The following COL5A1 variants were observed in gnomAD, a reference collection of about 807,000 sequenced individuals.
The protein encoded by COL5A1 is collagen type V alpha 1 chain.
In COL5A1, 16 loss-of-function variants were observed where a neutral mutation model predicts 263.7. The observed-to-expected ratio is 0.06, with a 90% CI of 0.04 to 0.09. The LOEUF (loss-of-function observed/expected upper bound fraction) is 0.09. COL5A1 is among the 10% of genes least tolerant of loss of function. COL5A1 has a pLI of 1.00. For missense variants in COL5A1, 2,036 were observed against 2,540.5 expected, an observed-to-expected ratio of 0.80 and a Z score of 4.27; for synonymous variants, 1,012 against 1,004.5, an observed-to-expected ratio of 1.01 and a Z score of -0.14.
At position 134,734,385 on chromosome 9, in the gene COL5A1, C is replaced by T. The variant is rs576581943; in HGVS notation, c.1389+2258C>T. On this transcript the variant is annotated intron_variant, in intron 9 of 65. Coordinates refer to ENST00000371817, the MANE Select transcript of COL5A1 (RefSeq NM_000093.5). ...TCCCTCCCCCGGGCCCCAGCCTGCTCCAAGTGTCCTGGGGCCTTTGGCCAG... is the reference window on the plus strand; with the variant it reads ...TCCCTCCCCCGGGCCCCAGCCTGCTTCAAGTGTCCTGGGGCCTTTGGCCAG... Among the ~76,000 whole-genome samples, 104 of 152,360 alleles carry T rather than the reference C, an allele frequency of 6.8e-4. 1 individual carries two copies. Among genetic ancestry groups the T allele is most frequent in the African/African-American group, 2.4e-3 (100 of 41,594 alleles).
chr9:134,797,694 G>A (rs568447687), intron 36 of COL5A1, among the ~76,000 whole-genome samples: 1 of 152,274 alleles, frequency 6.6e-6, no homozygotes, highest in South Asian at 2.1e-4. Context: ...TGTTGGCCAG[G>A]ATGGTCTCGA....
chr9:134,777,762 C>T (rs1837106434), intron 27 of COL5A1, among the ~76,000 whole-genome samples: 8 of 152,188 alleles, frequency 5.3e-5, no homozygotes, highest in Non-Finnish European at 1.2e-4. Context: ...GAGCTGGTGC[C>T]AATGCCCCCG....
At chr9:134,799,691 T>C (rs1415451038) in intron 37 of COL5A1, among the ~76,000 whole-genome samples, 2 of 152,244 alleles carry the variant, frequency 1.3e-5, no homozygotes, top group Non-Finnish European at 2.9e-5. Flanking sequence ...CTTTTAATTA[T>C]ACCTTCACTG....
chr9:134,732,209 G>A (rs1834911573), intron 9 of COL5A1, 82 bp downstream of exon 9: 1 of 1,475,198 alleles, frequency 6.8e-7, no homozygotes, highest in Non-Finnish European at 9.5e-7. Flanking sequence ...GTGTGAACAG[G>A]TCCGTGGGCC....
rs114261060 is a variant in COL5A1, at chr9:134,825,097, C to G, written c.4954+242C>G. ...GAGGTCAGACTCTCCAGGTTCTCAT[C>G]TGGTCTTAGGCATTTTCTGGCGGGG... On this transcript the variant is annotated intron_variant, in intron 62 of 65. Transcript: ENST00000371817. Among the ~76,000 whole-genome samples, 654 of 152,360 alleles carry G rather than the reference C, an allele frequency of 4.3e-3. 4 individuals are homozygous for G. Among genetic ancestry groups the G allele is most frequent in the African/African-American group, 0.015 (634 of 41,586 alleles).
chr9:134,819,947 C>T lies in COL5A1; in HGVS notation c.4447-169C>T, dbSNP rs541161660. On this transcript the variant is annotated intron_variant, in intron 57 of 65. Coordinates refer to ENST00000371817, the MANE Select transcript of COL5A1 (RefSeq NM_000093.5). ...CCAGCGAAGGGCCACCTCGGACCTG[C>T]CGTTTCGTCACCTGGCCCCTCTGTT... Among the ~76,000 whole-genome samples, 11 of 152,350 alleles carry T rather than the reference C, an allele frequency of 7.2e-5. No homozygotes were observed. In the South Asian group the frequency reaches 2.1e-3, roughly 29 times the overall value.
At chr9:134,737,211 G>A (rs1835133065) in intron 9 of COL5A1, among the ~76,000 whole-genome samples, 1 of 152,338 alleles carries the variant, frequency 6.6e-6, no homozygotes, top group African/African-American at 2.4e-5. Context: ...TCTACGTGGA[G>A]GGCGCCATGG....
chr9:134,822,856 G>A (rs1024176529), intron 59 of COL5A1, 142 bp from the exon 60 acceptor site: 108 of 970,218 alleles, frequency 1.1e-4, no homozygotes, highest in African/African-American at 1.9e-4. Context: ...CACTCTAGCC[G>A]GGCAAATACA....
At chr9:134,819,154 T>C in intron 57 of COL5A1, 101 bp downstream of exon 57, 1 of 1,266,462 alleles carries the variant, frequency 7.9e-7, no homozygotes, top group Non-Finnish European at 1.1e-6. Flanking sequence ...CACCTAAATG[T>C]GTCAAGCACC....
At chr9:134,747,297 G>A (rs956911061) in intron 11 of COL5A1, among the ~76,000 whole-genome samples, 1 of 152,042 alleles carries the variant, frequency 6.6e-6, no homozygotes, top group Non-Finnish European at 1.5e-5. Context: ...TTTCACCACC[G>A]TGGCTTAGAA....
At chr9:134,669,812 T>A (rs2132511853) in intron 1 of COL5A1, among the ~76,000 whole-genome samples, 1 of 152,248 alleles carries the variant, frequency 6.6e-6, no homozygotes, top group Non-Finnish European at 1.5e-5. Context: ...AGCATTCCTG[T>A]TGACAGTAAG....
rs181078541 is a variant in COL5A1, at chr9:134,804,355, G to A, written c.3115-620G>A. Among the ~76,000 whole-genome samples the A allele has an allele frequency of 1.7e-4, 26 of 152,180 alleles. No homozygotes were observed. The East Asian group carries it at 3.9e-3, about 23-fold the overall frequency. On this transcript the variant is annotated intron_variant, in intron 39 of 65. Coordinates refer to ENST00000371817, the MANE Select transcript of COL5A1 (RefSeq NM_000093.5). ...GCTTTACTGTACCTCAGGGAAAGTC[G>A]AGGCTAAGGGGTGACTTTTTTTCAG...
intron 1 of COL5A1, among the ~76,000 whole-genome samples, chr9:134,644,625 C>A: frequency 6.6e-6 from 1 of 152,036 alleles, no homozygotes; most frequent in East Asian, 1.9e-4. Flanking sequence ...GCTGTCTTCT[C>A]CATCTTCGGA....
In COL5A1 at chr9:134,682,129, G is replaced by A. The variant is rs966448752; in HGVS notation, c.110-8783G>A. On this transcript the variant is annotated intron_variant, in intron 1 of 65. Transcript: ENST00000371817. This position sits in a 1 kb window ranked among gnomAD's most constrained non-coding sequence, Gnocchi z 5.1. Reference sequence around the variant, plus strand: ...CTGGGACCGTGGTGCTGAGTGTTTGGCGGTGACCTCTGGAGGACGGGCCGG... The same window carrying A: ...CTGGGACCGTGGTGCTGAGTGTTTGACGGTGACCTCTGGAGGACGGGCCGG... Among the ~76,000 whole-genome samples the A allele has an allele frequency of 6.6e-6, 1 of 152,216 alleles. No homozygotes were observed. Among genetic ancestry groups the A allele is most frequent in the African/African-American group, 2.4e-5 (1 of 41,468 alleles).
At chr9:134,770,645 T>A (rs1836837551) in intron 25 of COL5A1, among the ~76,000 whole-genome samples, 1 of 152,236 alleles carries the variant, frequency 6.6e-6, no homozygotes, top group Non-Finnish European at 1.5e-5. Context: ...GATGAAGGAT[T>A]TTAATTCCTC....
rs887633261 is a variant in COL5A1, at chr9:134,696,893, A to C, written c.278-3016A>C. Among the ~76,000 whole-genome samples the C allele has an allele frequency of 1.3e-5, 2 of 151,934 alleles. No homozygotes were observed. Among genetic ancestry groups the C allele is most frequent in the African/African-American group, 4.8e-5 (2 of 41,346 alleles). Reference sequence around the variant, plus strand: ...AGACCATCCTGGCTAACACGGTGAAACCCCATCCCTACTAAAAATACAAAA... The same window carrying C: ...AGACCATCCTGGCTAACACGGTGAACCCCCATCCCTACTAAAAATACAAAA... On this transcript the variant is annotated intron_variant, in intron 2 of 65. Coordinates refer to ENST00000371817, the MANE Select transcript of COL5A1 (RefSeq NM_000093.5). This position sits in a 1 kb window ranked among gnomAD's most constrained non-coding sequence, Gnocchi z 4.3.
chr9:134,834,148 C>G (rs1355958184), intron 64 of COL5A1, among the ~76,000 whole-genome samples: 1 of 152,142 alleles, frequency 6.6e-6, no homozygotes, highest in Admixed American at 6.5e-5. Context: ...AAGACCTCCT[C>G]CTCTCACCCC....
At chr9:134,798,549 T>C in intron 37 of COL5A1, 88 bp downstream of exon 37, 1 of 1,288,140 alleles carries the variant, frequency 7.8e-7, no homozygotes. Flanking sequence ...CAGCGCCATC[T>C]AGGACCCTCC....
At chr9:134,828,710 G>A (rs1354902255) in intron 63 of COL5A1, among the ~76,000 whole-genome samples, 2 of 772 alleles carry the variant, frequency 2.6e-3, no homozygotes, top group African/African-American at 9.3e-3. Context: ...ACCACACATA[G>A]ATACGCACCA....
Sources: allele counts gnomAD v4.1 joint callset (sites outside exome capture counted in the v4.1 genomes callset), GRCh38; gene constraint gnomAD v4.1.1; non-coding constraint Gnocchi (gnomAD v3.1); transcripts MANE v1.5; gene names NCBI Gene and HGNC (gene_info 2026-07-23, HGNC 2026-07-21).